NCKAP1: variants seen among roughly 807,000 people sequenced by gnomAD.
NCKAP1 encodes nck-associated protein 1.
Under a neutral mutation model 151.2 loss-of-function variants are expected in NCKAP1, and 21 were observed. The ratio of observed to expected loss-of-function variants is 0.14; its 90% CI spans 0.10 to 0.20. The LOEUF is 0.20. NCKAP1 is among the 10% of genes least tolerant of loss of function. NCKAP1 has a pLI of 1.00. For synonymous variants in NCKAP1, 484 were observed against 451.8 expected, an observed-to-expected ratio of 1.07 and a Z score of -0.90; for missense variants, 933 against 1,352.1, an observed-to-expected ratio of 0.69 and a Z score of 4.86.
intron 2 of NCKAP1, among the ~76,000 whole-genome samples, chr2:183,012,399 A>G (rs940306870): frequency 1.3e-5 from 2 of 152,172 alleles, no homozygotes; most frequent in African/African-American, 4.8e-5. Flanking sequence ...TCAAGCCTGT[A>G]AACAGGAATA....
At chr2:182,974,797 T>G (rs1199721719) in intron 15 of NCKAP1, among the ~76,000 whole-genome samples, 1 of 152,084 alleles carries the variant, frequency 6.6e-6, no homozygotes, top group Middle Eastern at 3.4e-3. Context: ...CCTAGGAAAC[T>G]AACACAAGTA....
chr2:182,993,486 A>T (rs117587100), intron 8 of NCKAP1, among the ~76,000 whole-genome samples: 1 of 152,162 alleles, frequency 6.6e-6, no homozygotes, highest in Non-Finnish European at 1.5e-5. Flanking sequence ...GAATTTATCT[A>T]TATTACAGAA....
intron 12 of NCKAP1, among the ~76,000 whole-genome samples, chr2:182,982,385 T>C (rs912046487): frequency 6.6e-6 from 1 of 152,166 alleles, no homozygotes; most frequent in Admixed American, 6.5e-5. Flanking sequence ...AATCAGAATA[T>C]AGATGGTGCA....
chr2:182,991,291 C>T (rs955857366), intron 8 of NCKAP1, among the ~76,000 whole-genome samples: 3 of 152,190 alleles, frequency 2.0e-5, no homozygotes, highest in Non-Finnish European at 4.4e-5. Flanking sequence ...GGCATGATGG[C>T]TCACACCTGT....
intron 15 of NCKAP1, among the ~76,000 whole-genome samples, chr2:182,974,205 CT>C (rs1258913240): frequency 1.1e-4 from 16 of 142,012 alleles, no homozygotes; most frequent in African/African-American, 4.2e-4. Context: ...ACTTCTCTGG[CT>C]TAGTGTTATG....
At chr2:182,937,890 C>T (rs550389884) in intron 24 of NCKAP1, among the ~76,000 whole-genome samples, 5 of 152,214 alleles carry the variant, frequency 3.3e-5, no homozygotes, top group African/African-American at 1.2e-4. Context: ...TTTTTTCTCC[C>T]CACCTACTTA....
chr2:182,989,242 G>A, intron 8 of NCKAP1, 56 bp from the exon 9 acceptor site: 1 of 1,430,108 alleles, frequency 7.0e-7, no homozygotes. Context: ...TCCAAAGTTT[G>A]GTGACAGTGT....
intron 2 of NCKAP1, among the ~76,000 whole-genome samples, chr2:183,020,131 A>G (rs1448542280): frequency 6.6e-6 from 1 of 152,216 alleles, no homozygotes; most frequent in African/African-American, 2.4e-5. Context: ...AGATAAGGGC[A>G]GAATTTTGCA....
chr2:183,010,970 T>C (rs1387741203), intron 2 of NCKAP1, among the ~76,000 whole-genome samples: 1 of 152,204 alleles, frequency 6.6e-6, no homozygotes, highest in Non-Finnish European at 1.5e-5. Context: ...TTCTTACTGA[T>C]TAGATGTCAT....
At chr2:182,944,011 GC>G (rs1160662180) in intron 23 of NCKAP1, among the ~76,000 whole-genome samples, 2 of 152,150 alleles carry the variant, frequency 1.3e-5, no homozygotes, top group Non-Finnish European at 2.9e-5. Flanking sequence ...CTGGGTCCCA[GC>G]CCCAGAATTT....
intron 2 of NCKAP1, among the ~76,000 whole-genome samples, chr2:183,012,258 C>T (rs1463883665): frequency 6.6e-6 from 1 of 152,152 alleles, no homozygotes; most frequent in African/African-American, 2.4e-5. Flanking sequence ...GTCAGAACTT[C>T]TAAGAGTGGT....
rs1235433357 is a variant in NCKAP1, at chr2:182,909,902, TC to T, written c.*15799del. 6.6e-6 allele frequency: 1 copy of T among 152,178 alleles called. No individual in the cohort carries two copies. The highest frequency in any genetic ancestry group is 2.4e-5 in the African/African-American group (1 of 41,438). 9.4% of individuals were successfully genotyped at this position (152,178 alleles called of 1,614,324 possible). A position where few individuals can be genotyped will look rare whatever the true frequency, so the allele number is the denominator to read the frequency against. Reference sequence around the variant, plus strand: ...AGATAAGGGCCAAATAGCCTCCTGATCCAAGGCCACAAATTCTGTCACATTT... The same window carrying T: ...AGATAAGGGCCAAATAGCCTCCTGATCAAGGCCACAAATTCTGTCACATTT... On this transcript the variant is annotated 3_prime_UTR_variant, in exon 31 of 31. Transcript: ENST00000361354.
intron 2 of NCKAP1, among the ~76,000 whole-genome samples, chr2:183,020,445 A>G (rs1214645196): frequency 6.7e-6 from 1 of 149,038 alleles, no homozygotes; most frequent in Non-Finnish European, 1.5e-5. Flanking sequence ...AGCCTGGGCA[A>G]TAAAGCAGGA....
chr2:182,958,430 C>T lies in NCKAP1; in HGVS notation c.1882-834G>A, dbSNP rs1321508186. On this transcript the variant is annotated intron_variant, in intron 18 of 30. Transcript: ENST00000361354. ...AAGTGCTGGGATTACAAGCGTGAGC[C>T]ACCATGCCTGGCCATGAAGAGGTAA... Among the ~76,000 whole-genome samples, 4 of 152,204 alleles carry T rather than the reference C, an allele frequency of 2.6e-5. 1 individual carries two copies. The highest frequency in any genetic ancestry group is 2.0e-4 in the Admixed American group (3 of 15,284).
chr2:183,031,243 G>A lies in NCKAP1; in HGVS notation c.108+6749C>T, dbSNP rs530443682. The stretch of plus-strand genomic sequence containing the variant: ...GATTCAAAAAAAAGAAAAAAATTTA[G>A]TGATTCAAATGAGTTATTAATTACC... On this transcript the variant is annotated intron_variant, in intron 1 of 30. Coordinates refer to ENST00000361354, the MANE Select transcript of NCKAP1 (RefSeq NM_013436.5). Among the ~76,000 whole-genome samples, 10 of 152,194 alleles carry A rather than the reference G, an allele frequency of 6.6e-5. No homozygotes were observed. The South Asian group carries it at 2.1e-3, about 32-fold the overall frequency.
chr2:183,024,956 G>C (rs755813353), intron 1 of NCKAP1: 38 of 1,611,826 alleles, frequency 2.4e-5, no homozygotes, highest in Non-Finnish European at 1.7e-6. Flanking sequence ...CGGGCAGAGG[G>C]AAGGTGAAAA....
At chr2:183,005,094 T>C (rs551881386) in intron 2 of NCKAP1, among the ~76,000 whole-genome samples, 4 of 152,274 alleles carry the variant, frequency 2.6e-5, no homozygotes, top group South Asian at 2.1e-4. Flanking sequence ...AAACATAAAG[T>C]GAATACTTAT....
At chr2:182,933,690 G>C (rs1696812523) in intron 26 of NCKAP1, among the ~76,000 whole-genome samples, 1 of 151,764 alleles carries the variant, frequency 6.6e-6, no homozygotes, top group Admixed American at 6.6e-5. Context: ...GCTGGGATTA[G>C]AGTCTTGAGC....
intron 10 of NCKAP1, among the ~76,000 whole-genome samples, chr2:182,984,133 T>C (rs1399411829): frequency 6.6e-6 from 1 of 152,104 alleles, no homozygotes; most frequent in African/African-American, 2.4e-5. Flanking sequence ...TCTGGTTATC[T>C]ATATTCTTAT....
Sources: gnomAD v4.1 joint callset for allele counts (sites outside exome capture counted in the v4.1 genomes callset) on GRCh38, gnomAD v4.1.1 for gene constraint, MANE v1.5 for transcripts, NCBI Gene and HGNC (gene_info 2026-07-23, HGNC 2026-07-21) for gene names.